The following ATR variants were observed in gnomAD, a reference collection of about 807,000 sequenced individuals.
ATR encodes serine/threonine-protein kinase ATR.
In ATR, 142 loss-of-function variants were observed where a neutral mutation model predicts 305.3. The observed-to-expected ratio is 0.47, with a 90% confidence interval of 0.41 to 0.53. The LOEUF (loss-of-function observed/expected upper bound fraction) is 0.53, where lower values mean the gene tolerates loss of function less well. Ranked by LOEUF, ATR falls within the 20% of genes least tolerant of loss-of-function variation. The pLI is 0.00. For synonymous variants in ATR, 1,050 were observed against 1,068.1 expected (o/e 0.98, Z 0.33); for missense variants, 2,135 against 3,133.1 (o/e 0.68, Z 7.60).
At chr3:142,451,895 G>C in intron 46 of ATR, 1 of 1,307,608 alleles carries the variant, frequency 7.6e-7, no homozygotes, top group Non-Finnish European at 1.0e-6. Context: ...TTCAAGAACT[G>C]GTCAGATATT....
At chr3:142,476,453 A>C (rs1382929502) in intron 36 of ATR, among the ~76,000 whole-genome samples, 2 of 151,942 alleles carry the variant, frequency 1.3e-5, no homozygotes, top group African/African-American at 4.8e-5. Flanking sequence ...ATTGGTCTAT[A>C]TCTCTGTTTT....
chr3:142,507,650 C>G lies in ATR; in HGVS notation c.5031+281G>C, dbSNP rs552986780. Among the ~76,000 whole-genome samples the G allele has an allele frequency of 8.1e-4, 124 of 152,284 alleles. 1 individual carries two copies. Among genetic ancestry groups the G allele is most frequent in the Non-Finnish European group, 5.9e-5 (4 of 68,016 alleles). ...TATAATGTCTTGCCTCCCTATACTG[C>G]TCATTTTTTAAGACACCATCTCCAA... On this transcript the variant is annotated intron_variant, in intron 28 of 46. Transcript: ENST00000350721.
At chr3:142,568,506 T>C (rs776225719) in intron 1 of ATR, among the ~76,000 whole-genome samples, 18 of 152,192 alleles carry the variant, frequency 1.2e-4, no homozygotes, top group Non-Finnish European at 2.4e-4. Context: ...AGGAAGGTGG[T>C]GCTAGGGCTG....
intron 36 of ATR, among the ~76,000 whole-genome samples, chr3:142,476,454 T>C (rs1300870136): frequency 1.3e-5 from 2 of 152,166 alleles, no homozygotes; most frequent in African/African-American, 2.4e-5. Context: ...TTGGTCTATA[T>C]CTCTGTTTTG....
At chr3:142,514,459 G>A (rs1453784283) in intron 25 of ATR, among the ~76,000 whole-genome samples, 2 of 151,456 alleles carry the variant, frequency 1.3e-5, no homozygotes, top group African/African-American at 4.8e-5. Flanking sequence ...GTGAAACCCC[G>A]TCTCTACTAA....
chr3:142,554,597 AG>A (rs1274934446), intron 10 of ATR, among the ~76,000 whole-genome samples: 1 of 152,218 alleles, frequency 6.6e-6, no homozygotes, highest in Non-Finnish European at 1.5e-5. Context: ...CAGATTTTGT[AG>A]ACCATTATAT....
chr3:142,557,835 G>T (rs2034726995), intron 8 of ATR, among the ~76,000 whole-genome samples: 2 of 152,074 alleles, frequency 1.3e-5, no homozygotes, highest in Non-Finnish European at 2.9e-5. Context: ...GTTTTGCCAT[G>T]TTGGCCAGGC....
At chr3:142,535,309 C>T (rs2108426058) in intron 20 of ATR, 104 bp from the exon 21 acceptor site, 1 of 1,330,154 alleles carries the variant, frequency 7.5e-7, no homozygotes, top group Non-Finnish European at 1.0e-6. Flanking sequence ...CTATACCAAA[C>T]CAATTTTTTA....
rs200611164 is a variant in ATR, at chr3:142,495,086, G to A, written c.5898+1275C>T. On this transcript the variant is annotated intron_variant, in intron 34 of 46. Coordinates refer to ENST00000350721, the MANE Select transcript of ATR (RefSeq NM_001184.4). ...TGATGTCCAGATTTCTGTTTTTGATGGAAGGATGGAATAAAGTCTTGTTCA... is the reference window on the plus strand; with the variant it reads ...TGATGTCCAGATTTCTGTTTTTGATAGAAGGATGGAATAAAGTCTTGTTCA... 2.0e-3 allele frequency among the ~76,000 whole-genome samples: 301 copies of A among 152,280 alleles called. 4 individuals are homozygous for A. The East Asian group carries it at 0.047, about 24-fold the overall frequency.
At chr3:142,546,853 T>A (rs1403090909) in intron 16 of ATR, among the ~76,000 whole-genome samples, 1 of 152,188 alleles carries the variant, frequency 6.6e-6, no homozygotes, top group African/African-American at 2.4e-5. Flanking sequence ...AAAAGGAATT[T>A]CATGGAATAG....
chr3:142,482,662 T>C (rs1476440833), intron 36 of ATR, among the ~76,000 whole-genome samples: 1 of 151,960 alleles, frequency 6.6e-6, no homozygotes, highest in East Asian at 1.9e-4. Flanking sequence ...TGAGACCCTG[T>C]CTCTACAAAA....
At chr3:142,458,061 T>C (rs1292733008) in intron 44 of ATR, among the ~76,000 whole-genome samples, 1 of 152,228 alleles carries the variant, frequency 6.6e-6, no homozygotes, top group Non-Finnish European at 1.5e-5. Context: ...TTTAGTCTCA[T>C]ATTAACTTCT....
chr3:142,466,401 G>A lies in ATR; in HGVS notation c.6820C>T (p.Leu2274=). The A allele has an allele frequency of 6.2e-7, 1 of 1,614,018 alleles. No individual in the cohort carries two copies. ...CTAGCATGGTTAGCATGGGTACCCA[G>A]AATTGATGGAAGTGTAGGTATCATG... ...SVMIPTLPSI[L]GTHANHASHE... Residue 2274 remains leucine (L), a synonymous_variant, in exon 40 of 47, where the codon CTG becomes TTG. Transcript: ENST00000350721.
At chr3:142,450,352 A>T in intron 46 of ATR, 2 of 1,295,260 alleles carry the variant, frequency 1.5e-6, no homozygotes, top group East Asian at 2.4e-5. Flanking sequence ...CAGTTCATTC[A>T]AGACAGTGTT....
intron 45 of ATR, among the ~76,000 whole-genome samples, chr3:142,456,800 T>C (rs2070918974): frequency 6.6e-6 from 1 of 152,186 alleles, no homozygotes; most frequent in Admixed American, 6.5e-5. Flanking sequence ...ATAAAGATGT[T>C]ATCTAAAGAT....
In ATR at chr3:142,459,224, T is replaced by A. The variant is rs532315419; in HGVS notation, c.7349+3A>T. The A allele has an allele frequency of 6.2e-7, 1 of 1,613,994 alleles. No homozygotes were observed. Among genetic ancestry groups the A allele is most frequent in the South Asian group, 1.1e-5 (1 of 91,068 alleles). ...ACAACGTATTATATTCTTGGTAACT[T>A]ACCATGATGTAGGATCAGGGAATGT... On this transcript the variant is annotated splice_donor_region_variant and intron_variant, in intron 43 of 46. Transcript: ENST00000350721.
At chr3:142,530,874 T>C (rs1248094902) in intron 21 of ATR, among the ~76,000 whole-genome samples, 1 of 152,230 alleles carries the variant, frequency 6.6e-6, no homozygotes, top group African/African-American at 2.4e-5. Context: ...TACCACATCC[T>C]GGACTTATTT....
chr3:142,523,374 C>T (rs572705104), intron 22 of ATR, among the ~76,000 whole-genome samples: 3 of 152,020 alleles, frequency 2.0e-5, no homozygotes, highest in Non-Finnish European at 2.9e-5. Flanking sequence ...AAGCCAAGAT[C>T]GCACCACTGC....
At chr3:142,480,430 C>G (rs2030343488) in intron 36 of ATR, among the ~76,000 whole-genome samples, 1 of 152,204 alleles carries the variant, frequency 6.6e-6, no homozygotes, top group Non-Finnish European at 1.5e-5. Context: ...ATGTTGCTGT[C>G]TGATTGTTCC....
Sources: gnomAD v4.1 joint callset for allele counts (sites outside exome capture counted in the v4.1 genomes callset) on GRCh38, gnomAD v4.1.1 for gene constraint, MANE v1.5 for transcripts, NCBI Gene and HGNC (gene_info 2026-07-23, HGNC 2026-07-21) for gene names.